The following ZBBX variants were observed in gnomAD, a reference collection of about 807,000 sequenced individuals.
The protein encoded by ZBBX is zinc finger B-box domain-containing protein 1.
A neutral mutation model predicts 108.5 loss-of-function variants in ZBBX; 101 were observed. The ratio of observed to expected loss-of-function variants is 0.93; its 90% confidence interval spans 0.79 to 1.10. The LOEUF (loss-of-function observed/expected upper bound fraction) is 1.10. ZBBX is among the 50% of genes least tolerant of loss of function. The pLI is 0.00. For synonymous variants in ZBBX, 356 were observed against 323.4 expected (o/e 1.10, Z -1.08); for missense variants, 1,009 against 941.4 (o/e 1.07, Z -0.94).
At chr3:167,326,512 A>T (rs1406405916) in intron 11 of ZBBX, among the ~76,000 whole-genome samples, 1 of 152,100 alleles carries the variant, frequency 6.6e-6, no homozygotes, top group African/African-American at 2.4e-5. Flanking sequence ...TATACTTCTG[A>T]TCTGGTGACT....
At chr3:167,273,498 G>A (rs182270819) in intron 20 of ZBBX, among the ~76,000 whole-genome samples, 301 of 152,244 alleles carry the variant, frequency 2.0e-3, no homozygotes, top group Admixed American at 3.8e-3. Flanking sequence ...ATTCAGCTTC[G>A]GTCTTCTGCT....
intron 1 of ZBBX, among the ~76,000 whole-genome samples, chr3:167,389,104 T>C (rs546529132): frequency 6.6e-6 from 1 of 152,052 alleles, no homozygotes; most frequent in Admixed American, 6.6e-5. Flanking sequence ...CCTTAGGTAT[T>C]GGTCCTAATG....
chr3:167,327,630 A>C (rs138955481), intron 11 of ZBBX, among the ~76,000 whole-genome samples: 34 of 152,126 alleles, frequency 2.2e-4, no homozygotes, highest in Non-Finnish European at 4.6e-4. Context: ...ATAAAAAACC[A>C]TACGGGCTGG....
chr3:167,406,546 C>G (rs1247939370), intron 1 of ZBBX, among the ~76,000 whole-genome samples: 1 of 152,124 alleles, frequency 6.6e-6, no homozygotes, highest in Non-Finnish European at 1.5e-5. Context: ...TGGCAAAACC[C>G]CATCTCTACC....
chr3:167,210,148 C>T, the ZBBX span, among the ~76,000 whole-genome samples: 1 of 151,584 alleles, frequency 6.6e-6, no homozygotes. Flanking sequence ...TAATGGAATT[C>T]AAGATAACAC....
intron 1 of ZBBX, among the ~76,000 whole-genome samples, chr3:167,391,270 T>C (rs1748078025): frequency 6.6e-6 from 1 of 152,160 alleles, no homozygotes; most frequent in African/African-American, 2.4e-5. Context: ...TGGTTTTGTT[T>C]ATGTGATGGA....
chr3:167,378,091 G>A (rs1370579417), intron 2 of ZBBX, among the ~76,000 whole-genome samples: 2 of 152,100 alleles, frequency 1.3e-5, no homozygotes, highest in Non-Finnish European at 2.9e-5. Flanking sequence ...AGTTTCCTGA[G>A]GCCTCCCCAG....
the ZBBX span, among the ~76,000 whole-genome samples, chr3:167,191,130 A>C: frequency 1.3e-5 from 2 of 152,218 alleles, no homozygotes; most frequent in Non-Finnish European, 2.9e-5. Context: ...AGGAGCATCC[A>C]CTGTAAAAGT....
chr3:167,298,192 G>A (rs1284614109), intron 18 of ZBBX, 113 bp downstream of exon 18: 3 of 789,232 alleles, frequency 3.8e-6, no homozygotes, highest in East Asian at 3.0e-5. Flanking sequence ...ACTAATACAA[G>A]GTTAATAATT....
chr3:167,300,527 T>C (rs1732457730), intron 17 of ZBBX, among the ~76,000 whole-genome samples: 1 of 152,036 alleles, frequency 6.6e-6, no homozygotes, highest in South Asian at 2.1e-4. Flanking sequence ...CAATATTTTA[T>C]ACTGAGCAAT....
the ZBBX span, among the ~76,000 whole-genome samples, chr3:167,183,317 A>T: frequency 6.6e-6 from 1 of 152,192 alleles, no homozygotes; most frequent in South Asian, 2.1e-4. Context: ...CACCACAGGG[A>T]TTGCTTAAGA....
intron 9 of ZBBX, among the ~76,000 whole-genome samples, chr3:167,335,804 G>A (rs1479268805): frequency 1.3e-5 from 2 of 151,744 alleles, no homozygotes; most frequent in African/African-American, 4.8e-5. Flanking sequence ...TGATGAACGT[G>A]ACCTATGCAT....
intron 12 of ZBBX, among the ~76,000 whole-genome samples, chr3:167,321,059 A>G (rs1350555189): frequency 1.3e-5 from 2 of 152,022 alleles, no homozygotes; most frequent in African/African-American, 2.4e-5. Flanking sequence ...TCCCTATGTA[A>G]GTTTCCTGGT....
chr3:167,202,275 C>A, the ZBBX span, among the ~76,000 whole-genome samples: 6 of 152,068 alleles, frequency 3.9e-5, no homozygotes, highest in Non-Finnish European at 7.4e-5. Flanking sequence ...AAATAATGTA[C>A]AAGGGCAGAG....
chr3:167,349,333 G>A (rs890289652), intron 9 of ZBBX, among the ~76,000 whole-genome samples: 3 of 151,972 alleles, frequency 2.0e-5, no homozygotes, highest in Non-Finnish European at 2.9e-5. Context: ...ACTCACTTCT[G>A]TATCAATTAA....
chr3:167,301,444 GA>G (rs1186684537), intron 17 of ZBBX, among the ~76,000 whole-genome samples: 6 of 152,196 alleles, frequency 3.9e-5, no homozygotes, highest in Non-Finnish European at 7.3e-5. Context: ...AGAACGGCAG[GA>G]AAGAGTTTTC....
At chr3:167,407,807 C>T (rs774621228) in exon 1 of ZBBX, among the ~76,000 whole-genome samples, 3 of 151,960 alleles carry the variant, frequency 2.0e-5, no homozygotes, top group Non-Finnish European at 2.9e-5. Flanking sequence ...GCAAATCTCA[C>T]GCAGTCGACT....
At chr3:167,364,500 C>G (rs969989399) in intron 6 of ZBBX, among the ~76,000 whole-genome samples, 2 of 152,018 alleles carry the variant, frequency 1.3e-5, no homozygotes, top group Admixed American at 6.6e-5. Flanking sequence ...CTTAGACAAG[C>G]CTGAGAGCTT....
intron 18 of ZBBX, among the ~76,000 whole-genome samples, chr3:167,294,376 C>T (rs897349936): frequency 2.0e-5 from 3 of 152,044 alleles, no homozygotes; most frequent in African/African-American, 7.2e-5. Flanking sequence ...AGAACAGAGC[C>T]CTCAGAAATT....
Sources: gnomAD v4.1 joint callset for allele counts (sites outside exome capture counted in the v4.1 genomes callset) on GRCh38, gnomAD v4.1.1 for gene constraint, MANE v1.5 for transcripts, NCBI Gene and HGNC (gene_info 2026-07-23, HGNC 2026-07-21) for gene names.